The following MELK variants were observed in gnomAD, a reference collection of about 807,000 sequenced individuals.
MELK encodes the protein pEg3 kinase.
In MELK, 81 loss-of-function variants were observed where a neutral mutation model predicts 85.0. The observed-to-expected ratio is 0.95, with a 90% confidence interval of 0.80 to 1.15. The LOEUF (loss-of-function observed/expected upper bound fraction) is 1.15, where lower values mean the gene tolerates loss of function less well. Among genes scored for constraint, MELK ranks in the 50% most tolerant of loss-of-function variants. The probability of loss-of-function intolerance (pLI) is 0.00; values close to 1 mark genes in which losing one functional copy is unlikely to be tolerated. For synonymous variants in MELK, 252 were observed against 265.0 expected (o/e 0.95, Z 0.48); for missense variants, 754 against 777.5 (o/e 0.97, Z 0.36).
intron 17 of MELK, 34 bp downstream of exon 17, chr9:36,674,971 T>C: frequency 1.4e-6 from 2 of 1,471,144 alleles, no homozygotes; most frequent in East Asian, 2.3e-5. Flanking sequence ...TTGCATTTAT[T>C]AGTATCTTTT....
intron 10 of MELK, among the ~76,000 whole-genome samples, chr9:36,633,946 AAAT>A (rs1163195961): frequency 6.6e-6 from 1 of 152,230 alleles, no homozygotes; most frequent in Non-Finnish European, 1.5e-5. Flanking sequence ...AAAACTTGAC[AAAT>A]GGTAGTTTCT....
chr9:36,578,475 A>T (rs1405976530), intron 1 of MELK, among the ~76,000 whole-genome samples: 1 of 152,186 alleles, frequency 6.6e-6, no homozygotes, highest in African/African-American at 2.4e-5. Flanking sequence ...AAAAATCATT[A>T]GATGTATTTA....
At chr9:36,591,225 C>T (rs1036683968) in intron 4 of MELK, among the ~76,000 whole-genome samples, 1 of 152,080 alleles carries the variant, frequency 6.6e-6, no homozygotes, top group Non-Finnish European at 1.5e-5. Context: ...ATTTTAAAAC[C>T]TCTTTGGTAA....
chr9:36,650,915 A>G (rs2137222026), intron 11 of MELK, among the ~76,000 whole-genome samples: 1 of 152,334 alleles, frequency 6.6e-6, no homozygotes, highest in East Asian at 1.9e-4. Context: ...AAAGTGTTGG[A>G]AAGGGTGGAG....
At chr9:36,673,253 A>G (rs1833050706) in intron 16 of MELK, among the ~76,000 whole-genome samples, 1 of 152,202 alleles carries the variant, frequency 6.6e-6, no homozygotes, top group Non-Finnish European at 1.5e-5. Flanking sequence ...TGGATCAGGA[A>G]CCAAGAAAGA....
chr9:36,651,068 A>G (rs1830656101), intron 11 of MELK, among the ~76,000 whole-genome samples: 1 of 152,200 alleles, frequency 6.6e-6, no homozygotes, highest in Non-Finnish European at 1.5e-5. Context: ...TGGTTGTTAA[A>G]ATATTAGTGT....
chr9:36,666,498 A>G (rs973996014), intron 14 of MELK, among the ~76,000 whole-genome samples: 3 of 152,246 alleles, frequency 2.0e-5, no homozygotes, highest in Non-Finnish European at 4.4e-5. Flanking sequence ...AATTTTATTT[A>G]CAGTGATCCT....
intron 16 of MELK, 115 bp downstream of exon 16, chr9:36,671,281 CTTAG>C: frequency 8.5e-7 from 1 of 1,170,792 alleles, no homozygotes; most frequent in Admixed American, 3.6e-5. Context: ...TATTTATTCA[CTTAG>C]TTAATATATG....
At chr9:36,600,984 C>A (rs1016468003) in intron 7 of MELK, among the ~76,000 whole-genome samples, 9 of 151,792 alleles carry the variant, frequency 5.9e-5, no homozygotes, top group African/African-American at 2.2e-4. Flanking sequence ...TACATTTTTC[C>A]TTATTTGCTT....
At chr9:36,642,629 A>C (rs1829863320) in intron 10 of MELK, among the ~76,000 whole-genome samples, 1 of 151,868 alleles carries the variant, frequency 6.6e-6, no homozygotes, top group South Asian at 2.1e-4. Flanking sequence ...GGGTTTCACC[A>C]TGCTGGCCAG....
chr9:36,674,142 G>C (rs756688854), intron 16 of MELK, among the ~76,000 whole-genome samples: 34 of 152,156 alleles, frequency 2.2e-4, no homozygotes, highest in Non-Finnish European at 3.4e-4. Flanking sequence ...GTACTTACCA[G>C]GAAGGGAGGG....
At chr9:36,639,060 A>G (rs957093646) in intron 10 of MELK, among the ~76,000 whole-genome samples, 17 of 152,178 alleles carry the variant, frequency 1.1e-4, no homozygotes, top group African/African-American at 3.9e-4. Context: ...GAGAGGTGGC[A>G]TTGTGTTATG....
At chr9:36,574,945 G>A (rs780262502) in intron 1 of MELK, among the ~76,000 whole-genome samples, 1 of 151,938 alleles carries the variant, frequency 6.6e-6, no homozygotes, top group African/African-American at 2.4e-5. Flanking sequence ...GACCAGCCTG[G>A]CCAAGATGGT....
chr9:36,600,051 C>T (rs1824746576), intron 7 of MELK, among the ~76,000 whole-genome samples: 1 of 152,016 alleles, frequency 6.6e-6, no homozygotes, highest in Non-Finnish European at 1.5e-5. Flanking sequence ...AGTGCTCAAA[C>T]AGGTTTCCTA....
intron 8 of MELK, among the ~76,000 whole-genome samples, chr9:36,628,350 C>T (rs1253324528): frequency 6.6e-6 from 1 of 152,186 alleles, no homozygotes; most frequent in East Asian, 1.9e-4. Context: ...CTCTGGGAGT[C>T]AGCAGTAGTC....
At chr9:36,655,096 C>T (rs1423998653) in intron 12 of MELK, among the ~76,000 whole-genome samples, 2 of 152,206 alleles carry the variant, frequency 1.3e-5, no homozygotes, top group Non-Finnish European at 2.9e-5. Flanking sequence ...TCATCATCAT[C>T]AGTGTCATTA....
intron 8 of MELK, 68 bp from the exon 9 acceptor site, chr9:36,630,231 G>C: frequency 8.6e-7 from 1 of 1,164,998 alleles, no homozygotes; most frequent in Non-Finnish European, 1.3e-6. Context: ...CCTCCAGCAT[G>C]TTATTACCTA....
At chr9:36,578,883 C>T (rs189075846) in intron 1 of MELK, among the ~76,000 whole-genome samples, 27 of 152,194 alleles carry the variant, frequency 1.8e-4, no homozygotes, top group East Asian at 1.5e-3. Context: ...TGCTTTGTCT[C>T]CCAGGCTGGA....
intron 10 of MELK, among the ~76,000 whole-genome samples, chr9:36,635,910 C>A (rs1829089942): frequency 6.6e-6 from 1 of 150,972 alleles, no homozygotes; most frequent in Non-Finnish European, 1.5e-5. Context: ...GATTCTCTTG[C>A]CTCAGACTCC....
Sources: gnomAD v4.1 joint callset for allele counts (sites outside exome capture counted in the v4.1 genomes callset) on GRCh38, gnomAD v4.1.1 for gene constraint, MANE v1.5 for transcripts, NCBI Gene and HGNC (gene_info 2026-07-23, HGNC 2026-07-21) for gene names.